CDK8: variants seen among roughly 807,000 people sequenced by gnomAD.
CDK8 encodes cyclin-dependent kinase 8.
In CDK8, 29 loss-of-function variants were observed where a neutral mutation model predicts 71.5. The ratio of observed to expected loss-of-function variants is 0.41; its 90% CI spans 0.30 to 0.55. CDK8 has a LOEUF of 0.55. CDK8 is among the 20% of genes least tolerant of loss of function. CDK8 has a pLI of 0.37. For missense variants in CDK8, 288 were observed against 572.6 expected, an observed-to-expected ratio of 0.50 and a Z score of 5.07; for synonymous variants, 161 against 192.1, an observed-to-expected ratio of 0.84 and a Z score of 1.34.
At chr13:26,280,544 T>G (rs1418550870) in intron 1 of CDK8, among the ~76,000 whole-genome samples, 1 of 152,180 alleles carries the variant, frequency 6.6e-6, no homozygotes, top group Middle Eastern at 3.2e-3. Context: ...TACCACAAAG[T>G]AGTTTTAGTT....
chr13:26,396,821 T>C (rs758016022), intron 8 of CDK8, among the ~76,000 whole-genome samples: 3 of 152,220 alleles, frequency 2.0e-5, no homozygotes, highest in South Asian at 4.1e-4. Flanking sequence ...AAAAGTATTT[T>C]ACACTTATTG....
chr13:26,348,375 A>G (rs745545762), intron 2 of CDK8, among the ~76,000 whole-genome samples: 19 of 152,116 alleles, frequency 1.2e-4, no homozygotes, highest in Non-Finnish European at 2.4e-4. Flanking sequence ...GCAAGCGAGC[A>G]TTACCACCTG....
chr13:26,318,448 A>T (rs963235917), intron 1 of CDK8, among the ~76,000 whole-genome samples: 2 of 152,200 alleles, frequency 1.3e-5, no homozygotes, highest in African/African-American at 4.8e-5. Flanking sequence ...TGAGGCCAGC[A>T]TTACCCCGGT....
At chr13:26,284,369 A>C (rs1872900994) in intron 1 of CDK8, among the ~76,000 whole-genome samples, 1 of 152,252 alleles carries the variant, frequency 6.6e-6, no homozygotes, top group Non-Finnish European at 1.5e-5. Context: ...TTATTTGAAA[A>C]GATAAACAAC....
At chr13:26,322,991 T>G (rs1321981756) in intron 1 of CDK8, among the ~76,000 whole-genome samples, 1 of 152,210 alleles carries the variant, frequency 6.6e-6, no homozygotes, top group Non-Finnish European at 1.5e-5. Flanking sequence ...TCCATTTAAC[T>G]GGATGGTTGA....
chr13:26,324,069 G>T (rs987715515), intron 1 of CDK8, among the ~76,000 whole-genome samples: 3 of 152,148 alleles, frequency 2.0e-5, no homozygotes, highest in African/African-American at 7.2e-5. Flanking sequence ...GAACCATTAA[G>T]TAATGTTAAA....
chr13:26,276,897 C>G lies in CDK8; in HGVS notation c.128+22128C>G, dbSNP rs567488496. Reference sequence around the variant, plus strand: ...TGCTGACTAAATTCAATAAAAACAACCAAATTTTTCCTCCTTCACCCTTGA... The same window carrying G: ...TGCTGACTAAATTCAATAAAAACAAGCAAATTTTTCCTCCTTCACCCTTGA... On this transcript the variant is annotated intron_variant, in intron 1 of 12. Transcript: ENST00000381527. 3.3e-5 allele frequency among the ~76,000 whole-genome samples: 5 copies of G among 152,254 alleles called. No individual in the cohort carries two copies. In the South Asian group the frequency reaches 1.0e-3, roughly 32 times the overall value.
At chr13:26,257,418 T>C (rs1210128376) in intron 1 of CDK8, among the ~76,000 whole-genome samples, 2 of 152,234 alleles carry the variant, frequency 1.3e-5, no homozygotes, top group Non-Finnish European at 2.9e-5. Context: ...TTTGACTTAC[T>C]TGAGGCATGA....
At chr13:26,287,910 A>G (rs1166585347) in intron 1 of CDK8, among the ~76,000 whole-genome samples, 1 of 152,128 alleles carries the variant, frequency 6.6e-6, no homozygotes, top group Non-Finnish European at 1.5e-5. Flanking sequence ...TTGTGTTTTT[A>G]CCCCTGTAGT....
intron 1 of CDK8, among the ~76,000 whole-genome samples, chr13:26,304,186 C>T (rs1337489604): frequency 6.6e-6 from 1 of 151,834 alleles, no homozygotes; most frequent in African/African-American, 2.4e-5. Flanking sequence ...ATTGCTTGAA[C>T]CCAGGAGGCA....
At chr13:26,271,062 A>G (rs990857143) in intron 1 of CDK8, among the ~76,000 whole-genome samples, 2 of 152,192 alleles carry the variant, frequency 1.3e-5, no homozygotes, top group African/African-American at 2.4e-5. Context: ...TTTCCCTAAT[A>G]ACTAATGATG....
Position 26,359,519 on chromosome 13 carries a change from C to A in CDK8, c.456+5639C>A, listed in dbSNP as rs112937993. On this transcript the variant is annotated intron_variant, in intron 4 of 12. Coordinates refer to ENST00000381527, the MANE Select transcript of CDK8 (RefSeq NM_001260.3). ...ATGATGCATCAAAGTTGTATTGATA[C>A]TGTTTGTGTAGAAGCCCAGTTTTGA... The A allele has an allele frequency of 8.3e-3, 1,394 of 168,390 alleles. 21 individuals are homozygous for A. The highest frequency in any genetic ancestry group is 0.031 in the African/African-American group (1,308 of 41,754). The allele number at this position is 168,390 out of a possible 1,614,324, so 10.4% of individuals were successfully genotyped here.
rs146574934 is a variant in CDK8 at position 26,290,931 on chromosome 13, A to G, written c.128+36162A>G. On this transcript the variant is annotated intron_variant, in intron 1 of 12. Transcript: ENST00000381527. ...AGAGTTTGAGACCAGCCTGGCCAAC[A>G]TGGTGAAACCCTGTCTGTACTAAAA... Among the ~76,000 whole-genome samples the G allele has an allele frequency of 6.3e-3, 966 of 152,144 alleles. 12 individuals are homozygous for G. Among genetic ancestry groups the G allele is most frequent in the African/African-American group, 0.021 (867 of 41,498 alleles).
chr13:26,271,004 A>C (rs9581608), intron 1 of CDK8, among the ~76,000 whole-genome samples: 1 of 152,066 alleles, frequency 6.6e-6, no homozygotes, highest in African/African-American at 2.4e-5. Flanking sequence ...TTGATAATAG[A>C]CATCCTTAAG....
chr13:26,332,843 T>G (rs773662323), intron 1 of CDK8, among the ~76,000 whole-genome samples: 6 of 152,198 alleles, frequency 3.9e-5, no homozygotes, highest in Non-Finnish European at 7.3e-5. Flanking sequence ...CTTATCCAGC[T>G]TCATACCTTG....
At position 26,393,347 on chromosome 13, in the gene CDK8, T is replaced by C. The variant is rs747578844; in HGVS notation, c.647-20T>C. ...CCTTGCCTATTTTTCTTTCTTTTTTTTTTTCTTTTTGTTTTAAAGATATTT... is the reference window on the plus strand; with the variant it reads ...CCTTGCCTATTTTTCTTTCTTTTTTCTTTTCTTTTTGTTTTAAAGATATTT... On this transcript the variant is annotated intron_variant, in intron 6 of 12. Coordinates refer to ENST00000381527, the MANE Select transcript of CDK8 (RefSeq NM_001260.3). 6.8e-7 allele frequency: 1 copy of C among 1,466,444 alleles called. No individual in the cohort carries two copies. Among genetic ancestry groups the C allele is most frequent in the Non-Finnish European group, 9.2e-7 (1 of 1,088,554 alleles). 90.8% of individuals were successfully genotyped at this position (1,466,444 alleles called of 1,614,324 possible).
intron 4 of CDK8, among the ~76,000 whole-genome samples, chr13:26,373,323 C>T (rs972016610): frequency 2.0e-5 from 3 of 151,964 alleles, no homozygotes; most frequent in Non-Finnish European, 4.4e-5. Context: ...TTTTGTTACC[C>T]ACTATGACAT....
chr13:26,263,527 C>T (rs1429804819), intron 1 of CDK8, among the ~76,000 whole-genome samples: 3 of 152,028 alleles, frequency 2.0e-5, no homozygotes, highest in East Asian at 1.9e-4. Flanking sequence ...CTGTAACCTC[C>T]GCCTCCTTGG....
At chr13:26,383,700 GA>G (rs1459766691) in intron 5 of CDK8, among the ~76,000 whole-genome samples, 1 of 152,158 alleles carries the variant, frequency 6.6e-6, no homozygotes, top group Non-Finnish European at 1.5e-5. Flanking sequence ...CACCAACAAA[GA>G]AACACATGTG....
Sources: allele counts gnomAD v4.1 joint callset (sites outside exome capture counted in the v4.1 genomes callset), GRCh38; gene constraint gnomAD v4.1.1; transcripts MANE v1.5; gene names NCBI Gene and HGNC (gene_info 2026-07-23, HGNC 2026-07-21).